Variants in IL33 observed in about 807,000 individuals in gnomAD.
IL33 encodes interleukin 33.
In IL33, 37 loss-of-function variants were observed where a neutral mutation model predicts 27.3. The observed-to-expected ratio is 1.36, with a 90% CI of 1.04 to 1.78. IL33 has a LOEUF of 1.78. IL33 is among the 40% of genes most tolerant of loss of function. The pLI, the probability that IL33 is intolerant of heterozygous loss-of-function variation, is 0.00. For missense variants in IL33, 406 were observed against 311.4 expected, an observed-to-expected ratio of 1.30 and a Z score of -2.29; for synonymous variants, 132 against 102.9, an observed-to-expected ratio of 1.28 and a Z score of -1.71.
chr9:6,250,376 G>A (rs2130417285), intron 2 of IL33, 98 bp from the exon 3 acceptor site: 2 of 1,349,360 alleles, frequency 1.5e-6, no homozygotes, highest in East Asian at 2.3e-5. Flanking sequence ...AAGATACTGT[G>A]AACCTGTACT....
rs770607193 is a variant in IL33, at chr9:6,256,003, C to G, written c.648C>G (p.Ala216=). 49 of 1,613,578 alleles carry G rather than the reference C, an allele frequency of 3.0e-5. No homozygotes were observed. In the South Asian group the frequency reaches 5.2e-4, roughly 17 times the overall value. Residue 216 remains alanine, a synonymous_variant, in exon 8 of 8, where the codon GCC becomes GCG. Transcript: ENST00000682010. ...HKCEKPLPDQ[A]FFVLHNMHSN... The stretch of plus-strand genomic sequence containing the variant: ...GTGAAAAACCACTGCCAGACCAGGC[C>G]TTCTTTGTCCTTCATAATATGCACT...
At chr9:6,222,733 C>T (rs922211023) in intron 1 of IL33, among the ~76,000 whole-genome samples, 1 of 152,126 alleles carries the variant, frequency 6.6e-6, no homozygotes, top group Non-Finnish European at 1.5e-5. Context: ...AATATAACCA[C>T]AGAATTTTAA....
intron 1 of IL33, among the ~76,000 whole-genome samples, chr9:6,233,340 T>A (rs1819019899): frequency 6.6e-6 from 1 of 152,168 alleles, no homozygotes; most frequent in African/African-American, 2.4e-5. Flanking sequence ...CCTTAAAACT[T>A]CACATCTTCT....
intron 1 of IL33, among the ~76,000 whole-genome samples, chr9:6,239,406 A>G (rs940430713): frequency 6.6e-6 from 1 of 152,126 alleles, no homozygotes; most frequent in African/African-American, 2.4e-5. Context: ...AACAACATGA[A>G]GTAACTTAGG....
chr9:6,235,432 T>G (rs1341366986), intron 1 of IL33, among the ~76,000 whole-genome samples: 1 of 152,216 alleles, frequency 6.6e-6, no homozygotes, highest in African/African-American at 2.4e-5. Flanking sequence ...GATAATATCA[T>G]AAGTAAATTT....
At chr9:6,225,628 C>T (rs933683043) in intron 1 of IL33, among the ~76,000 whole-genome samples, 1 of 152,350 alleles carries the variant, frequency 6.6e-6, no homozygotes, top group East Asian at 1.9e-4. Flanking sequence ...TAGGGCTACT[C>T]TAAGACTGTA....
At chr9:6,221,356 A>G (rs1478460650) in intron 1 of IL33, among the ~76,000 whole-genome samples, 2 of 152,208 alleles carry the variant, frequency 1.3e-5, no homozygotes, top group African/African-American at 4.8e-5. Flanking sequence ...GCTGTTTTAC[A>G]AAAAATGTTT....
chr9:6,252,056 C>CAAACAA (rs747766571), intron 4 of IL33, among the ~76,000 whole-genome samples: 53 of 114,314 alleles, frequency 4.6e-4, no homozygotes, highest in African/African-American at 1.7e-3. Flanking sequence ...AACAAACAAA[C>CAAACAA]AAAAAAAAAC....
chr9:6,251,022 G>A, intron 3 of IL33, 118 bp from the exon 4 acceptor site: 1 of 1,346,980 alleles, frequency 7.4e-7, no homozygotes, highest in Non-Finnish European at 1.0e-6. Context: ...CCATGAAGTG[G>A]CCAAAGCCCT....
chr9:6,219,915 A>C (rs1564045363), intron 1 of IL33, among the ~76,000 whole-genome samples: 1 of 152,216 alleles, frequency 6.6e-6, no homozygotes, highest in Non-Finnish European at 1.5e-5. Context: ...GTCCAGGGTC[A>C]GGTCCCATTA....
intron 1 of IL33, among the ~76,000 whole-genome samples, chr9:6,221,246 T>C (rs16924144): frequency 0.29 from 44,303 of 152,102 alleles, 7,225 homozygotes; most frequent in Middle Eastern, 0.41. Context: ...CACTGACTTA[T>C]TCAAGAGCCA....
chr9:6,219,276 C>A (rs975514028), intron 1 of IL33, among the ~76,000 whole-genome samples: 1 of 151,822 alleles, frequency 6.6e-6, no homozygotes, highest in Non-Finnish European at 1.5e-5. Context: ...TGTAGATTCT[C>A]TGGTGCTGAT....
At chr9:6,245,221 G>A (rs754622216) in intron 2 of IL33, among the ~76,000 whole-genome samples, 3 of 152,034 alleles carry the variant, frequency 2.0e-5, no homozygotes, top group Non-Finnish European at 4.4e-5. Flanking sequence ...AGGATTGAAC[G>A]GTGTTATTGA....
intron 1 of IL33, among the ~76,000 whole-genome samples, chr9:6,233,489 A>G (rs542705788): frequency 1.2e-4 from 18 of 151,940 alleles, no homozygotes; most frequent in African/African-American, 4.3e-4. Context: ...TCCTCTTTTC[A>G]TTGGCTACTT....
At chr9:6,238,739 T>A (rs1232107345) in intron 1 of IL33, among the ~76,000 whole-genome samples, 2 of 152,150 alleles carry the variant, frequency 1.3e-5, no homozygotes, top group African/African-American at 4.8e-5. Context: ...GAGGCCATAC[T>A]TAAAAAGAAG....
intron 1 of IL33, among the ~76,000 whole-genome samples, chr9:6,235,398 A>T (rs1014264286): frequency 1.3e-5 from 2 of 152,180 alleles, no homozygotes; most frequent in Non-Finnish European, 2.9e-5. Flanking sequence ...ATTTATGTAT[A>T]AACTATTAAA....
At chr9:6,243,413 GGCACC>G (rs533082557) in intron 2 of IL33, among the ~76,000 whole-genome samples, 42 of 152,284 alleles carry the variant, frequency 2.8e-4, no homozygotes, top group Non-Finnish European at 4.6e-4. Context: ...GAAGTGCAGT[GGCACC>G]ATCTCATCTC....
rs888565477 is a variant in IL33 at position 6,224,885 on chromosome 9, A to AT, written c.-12+9045dup. Among the ~76,000 whole-genome samples the AT allele has an allele frequency of 2.8e-3, 415 of 147,514 alleles. 1 individual carries two copies. The highest frequency in any genetic ancestry group is 6.7e-3 in the African/African-American group (270 of 40,402). On this transcript the variant is annotated intron_variant, in intron 1 of 7. Coordinates refer to ENST00000682010, the MANE Select transcript of IL33 (RefSeq NM_033439.4). The stretch of plus-strand genomic sequence containing the variant: ...AAAGCAGTGAACTCAGGCAGAATAG[A>AT]TTTTTTTTTTTTACAGTTTTGTGAA...
chr9:6,237,381 C>A (rs1819283500), intron 1 of IL33, among the ~76,000 whole-genome samples: 1 of 152,292 alleles, frequency 6.6e-6, no homozygotes, highest in Non-Finnish European at 1.5e-5. Context: ...TATTTCCTGA[C>A]TATGCTTTTG....
Sources: allele counts gnomAD v4.1 joint callset (sites outside exome capture counted in the v4.1 genomes callset), GRCh38; gene constraint gnomAD v4.1.1; transcripts MANE v1.5; gene names NCBI Gene and HGNC (gene_info 2026-07-23, HGNC 2026-07-21).